Variants in SENP5 observed in about 807,000 individuals in gnomAD.
The protein encoded by SENP5 is sentrin-specific protease 5.
Under a neutral mutation model 74.2 loss-of-function variants are expected in SENP5, and 21 were observed. The observed-to-expected ratio is 0.28, with a 90% CI of 0.20 to 0.41. The LOEUF is 0.41. Ranked by LOEUF, SENP5 falls within the 10% of genes least tolerant of loss-of-function variation. SENP5 has a pLI of 1.00. For missense variants in SENP5, 717 were observed against 889.1 expected (o/e 0.81, Z 2.46); for synonymous variants, 311 against 312.7 (o/e 0.99, Z 0.06).
At chr3:196,881,348 A>G (rs1014366475) in intron 1 of SENP5, among the ~76,000 whole-genome samples, 4 of 152,196 alleles carry the variant, frequency 2.6e-5, no homozygotes, top group Non-Finnish European at 5.9e-5. Context: ...TAAATTCCTT[A>G]AAGTGGGGTT....
At chr3:196,868,951 G>A (rs899878533) in intron 1 of SENP5, among the ~76,000 whole-genome samples, 10 of 150,522 alleles carry the variant, frequency 6.6e-5, no homozygotes, top group Non-Finnish European at 1.2e-4. Context: ...GATGCCAGGC[G>A]CTCGTGTGGT....
At chr3:196,888,015 G>T (rs1714048832) in intron 2 of SENP5, among the ~76,000 whole-genome samples, 1 of 152,060 alleles carries the variant, frequency 6.6e-6, no homozygotes, top group African/African-American at 2.4e-5. Flanking sequence ...CAATCTGCCC[G>T]CCTCGGCCAG....
rs1713974505 is a variant in SENP5 at position 196,886,347 on chromosome 3, A to G, written c.1166A>G (p.Glu389Gly). 2 of 1,613,696 alleles carry G rather than the reference A, an allele frequency of 1.2e-6. No homozygotes were observed. The highest frequency in any genetic ancestry group is 1.7e-6 in the Non-Finnish European group (2 of 1,179,800). The change falls in exon 2 of 10, where the codon GAA becomes GGA. Residue 389 changes from glutamate to glycine, a missense_variant. Physicochemically the swap from Glu to Gly is moderately conservative, Grantham distance 98. This residue lies in a region of SENP5 where 567 missense variants were observed against 577.4 expected (regional missense o/e 0.98). Coordinates refer to ENST00000323460, the MANE Select transcript of SENP5 (RefSeq NM_152699.5). ...CGTTCTAATACCATGTTCATTTCAGAAACTGAAAGAGAAATTATGACTCTG... is the reference window on the plus strand; with the variant it reads ...CGTTCTAATACCATGTTCATTTCAGGAACTGAAAGAGAAATTATGACTCTG... ...EHRSNTMFIS[E>G]TEREIMTLGQ... is the part of the protein sequence containing the mutation.
intron 6 of SENP5, among the ~76,000 whole-genome samples, chr3:196,914,841 G>A (rs1403409474): frequency 2.6e-5 from 4 of 151,942 alleles, no homozygotes; most frequent in Non-Finnish European, 5.9e-5. Context: ...AGGCATCGAA[G>A]AGGGTAGGAA....
chr3:196,897,407 T>C (rs376698921), intron 2 of SENP5, among the ~76,000 whole-genome samples: 1 of 152,208 alleles, frequency 6.6e-6, no homozygotes, highest in Non-Finnish European at 1.5e-5. Context: ...AGCATGGGAC[T>C]ATCTTCCTGT....
chr3:196,909,318 A>G (rs753224638), intron 6 of SENP5, among the ~76,000 whole-genome samples: 12 of 152,232 alleles, frequency 7.9e-5, no homozygotes, highest in Non-Finnish European at 1.2e-4. Flanking sequence ...TTCACAGCCA[A>G]ATTCTACCAG....
Position 196,885,442 on chromosome 3 carries a change from A to G in SENP5, c.261A>G (p.Gln87=). 3 of 1,614,194 alleles carry G rather than the reference A, an allele frequency of 1.9e-6. No individual in the cohort carries two copies. The highest frequency in any genetic ancestry group is 2.5e-6 in the Non-Finnish European group (3 of 1,180,046). The change falls in exon 2 of 10, where the codon CAA becomes CAG. Residue 87 remains glutamine (Q), a synonymous_variant. Transcript: ENST00000323460. ...AGACCAAGTTCAATGTGGCTACTCA[A>G]AATGTTAGTACTTTGTCCTCTAAAG... ...CAKTKFNVAT[Q]NVSTLSSKVK...
chr3:196,900,346 T>C lies in SENP5; in HGVS notation c.1759-19T>C. 1 of 1,595,428 alleles carries C rather than the reference T, an allele frequency of 6.3e-7. No individual in the cohort carries two copies. The highest frequency in any genetic ancestry group is 1.2e-5 in the South Asian group (1 of 86,522). ...AACTGGCAGAGATAGTAAGCTGGTT[T>C]TATGTTGACTTTTTATAGGTCATTA... On this transcript the variant is annotated intron_variant, in intron 4 of 9. Coordinates refer to ENST00000323460, the MANE Select transcript of SENP5 (RefSeq NM_152699.5).
intron 2 of SENP5, among the ~76,000 whole-genome samples, chr3:196,896,394 A>T (rs1207570233): frequency 6.6e-6 from 1 of 152,168 alleles, no homozygotes; most frequent in Non-Finnish European, 1.5e-5. Flanking sequence ...TATGCTAGTT[A>T]AGTGCCCTTG....
chr3:196,917,612 G>T (rs922593788), intron 6 of SENP5, among the ~76,000 whole-genome samples: 2 of 152,178 alleles, frequency 1.3e-5, no homozygotes, highest in Non-Finnish European at 2.9e-5. Context: ...AATACATCTG[G>T]CAGCAGACAT....
At chr3:196,872,167 G>T (rs1238132860) in intron 1 of SENP5, among the ~76,000 whole-genome samples, 1 of 152,228 alleles carries the variant, frequency 6.6e-6, no homozygotes, top group African/African-American at 2.4e-5. Context: ...TCCTAGGGTC[G>T]GTGAGTATCT....
At chr3:196,909,733 A>G (rs1715045367) in intron 6 of SENP5, among the ~76,000 whole-genome samples, 1 of 152,228 alleles carries the variant, frequency 6.6e-6, no homozygotes, top group South Asian at 2.1e-4. Context: ...AAAACTCTCA[A>G]TAAACTAGGT....
At chr3:196,888,796 A>G (rs1714086461) in intron 2 of SENP5, among the ~76,000 whole-genome samples, 1 of 152,002 alleles carries the variant, frequency 6.6e-6, no homozygotes, top group Non-Finnish European at 1.5e-5. Flanking sequence ...AGTTCTGAGC[A>G]CTTTCTCTTT....
chr3:196,895,190 CTTTTT>C (rs35820067), intron 2 of SENP5, among the ~76,000 whole-genome samples: 12 of 123,092 alleles, frequency 9.7e-5, no homozygotes, highest in African/African-American at 2.3e-4. Context: ...CTTTTAACTT[CTTTTT>C]TTTTTTTTTT....
chr3:196,887,829 C>T (rs1358514433), intron 2 of SENP5, among the ~76,000 whole-genome samples: 8 of 151,926 alleles, frequency 5.3e-5, no homozygotes, highest in South Asian at 2.1e-4. Flanking sequence ...AGTGCAGTGA[C>T]GCAATCTCGG....
In SENP5 at chr3:196,932,885, C is replaced by T. The variant is rs1467884642; in HGVS notation, c.*1962C>T. ...GGCATGCAGAAGAGACAGAATTGTT[C>T]CTGTAAGAAAATCAACGCCGAGAGA... On this transcript the variant is annotated 3_prime_UTR_variant, in exon 10 of 10. Coordinates refer to ENST00000323460, the MANE Select transcript of SENP5 (RefSeq NM_152699.5). 2.0e-5 allele frequency: 3 copies of T among 151,526 alleles called. No homozygotes were observed. The highest frequency in any genetic ancestry group is 2.1e-4 in the South Asian group (1 of 4,776). The allele number at this position is 151,526 out of a possible 1,614,324, so 9.4% of individuals were successfully genotyped here. A position where few individuals can be genotyped will look rare whatever the true frequency, so the allele number is the denominator to read the frequency against.
intron 6 of SENP5, among the ~76,000 whole-genome samples, chr3:196,922,156 C>T (rs146773311): frequency 0.011 from 1,626 of 152,308 alleles, 22 homozygotes; most frequent in African/African-American, 0.031. Flanking sequence ...TATTTGGCTA[C>T]TTATAATGTG....
chr3:196,868,557 G>GTGCGGT (rs1713044472), intron 1 of SENP5, among the ~76,000 whole-genome samples: 1 of 152,336 alleles, frequency 6.6e-6, no homozygotes, highest in South Asian at 2.1e-4. Flanking sequence ...GGTCTGCTCT[G>GTGCGGT]AGCGGTATCA....
At chr3:196,921,148 TA>T (rs1434110184) in intron 6 of SENP5, among the ~76,000 whole-genome samples, 3 of 152,250 alleles carry the variant, frequency 2.0e-5, no homozygotes, top group African/African-American at 7.2e-5. Context: ...TATAATGAGA[TA>T]TTTTGGGGGT....
Sources: allele counts gnomAD v4.1 joint callset (sites outside exome capture counted in the v4.1 genomes callset), GRCh38; gene constraint gnomAD v4.1.1; regional missense constraint gnomAD v4.1.1; transcripts MANE v1.5; gene names NCBI Gene and HGNC (gene_info 2026-07-23, HGNC 2026-07-21).